KCNMB2: variants seen among roughly 807,000 people sequenced by gnomAD.
The protein encoded by KCNMB2 is calcium-activated potassium channel subunit beta-2.
Under a neutral mutation model 24.5 loss-of-function variants are expected in KCNMB2, and 9 were observed. The ratio of observed to expected loss-of-function variants is 0.37; its 90% CI spans 0.22 to 0.64. The LOEUF is 0.64. Among genes scored for constraint, KCNMB2 ranks in the 30% least tolerant of loss-of-function variants. The probability of loss-of-function intolerance (pLI) is 0.63; values close to 1 mark genes in which losing one functional copy is unlikely to be tolerated. For missense variants in KCNMB2, 226 were observed against 284.3 expected (o/e 0.79, Z 1.47); for synonymous variants, 109 against 104.4 (o/e 1.04, Z -0.27).
At chr3:178,631,946 A>C (rs1425915877) in intron 1 of KCNMB2, among the ~76,000 whole-genome samples, 1 of 152,226 alleles carries the variant, frequency 6.6e-6, no homozygotes, top group African/African-American at 2.4e-5. Context: ...CTTACTAGAA[A>C]ATATTTTCAG....
At chr3:178,640,725 T>A (rs1719693967) in intron 1 of KCNMB2, among the ~76,000 whole-genome samples, 1 of 152,238 alleles carries the variant, frequency 6.6e-6, no homozygotes, top group South Asian at 2.1e-4. Flanking sequence ...TTGGTTTTTC[T>A]CTCATAGATT....
In KCNMB2 at chr3:178,654,942, A is replaced by G. The variant is rs545170505; in HGVS notation, c.-68+118231A>G. On this transcript the variant is annotated intron_variant, in intron 1 of 4. Transcript: ENST00000452583. ...TTTTCTCATTTGTAACATGGAGATT[A>G]TAGTGGTTTCTACCTCAGAGAGCAG... Among the ~76,000 whole-genome samples the G allele has an allele frequency of 4.6e-5, 7 of 152,288 alleles. No homozygotes were observed. In the East Asian group the frequency reaches 9.6e-4, roughly 21 times the overall value.
At chr3:178,635,408 T>TACACACACACACACACAC (rs58294929) in intron 1 of KCNMB2, among the ~76,000 whole-genome samples, 33 of 144,962 alleles carry the variant, frequency 2.3e-4, no homozygotes, top group African/African-American at 7.9e-4. Context: ...TGCTTATGCA[T>TACACACACACACACACAC]ACACACACAC....
At chr3:178,639,031 T>C (rs1462055371) in intron 1 of KCNMB2, among the ~76,000 whole-genome samples, 2 of 152,188 alleles carry the variant, frequency 1.3e-5, no homozygotes, top group Non-Finnish European at 2.9e-5. Flanking sequence ...TCTACTCTTG[T>C]TTGTTTTATC....
rs371079129 is a variant in KCNMB2, at chr3:178,607,777, TA to T, written c.-68+71068del. 2.6e-4 allele frequency among the ~76,000 whole-genome samples: 39 copies of T among 152,304 alleles called. No homozygotes were observed. The East Asian group carries it at 5.8e-3, about 23-fold the overall frequency. ...TGGGTCAGCTACTGAGTATCTAACA[TA>T]AGTAATTTCCTTCTATGCTCTGTTA... On this transcript the variant is annotated intron_variant, in intron 1 of 4. Coordinates refer to ENST00000452583, the MANE Select transcript of KCNMB2 (RefSeq NM_181361.3).
In KCNMB2 at chr3:178,629,392, G is replaced by T. The variant is rs530779397; in HGVS notation, c.-68+92681G>T. 7.2e-5 allele frequency among the ~76,000 whole-genome samples: 11 copies of T among 152,300 alleles called. No individual in the cohort carries two copies. The East Asian group carries it at 1.4e-3, about 19-fold the overall frequency. ...GTGATTCCTCCTGAAAGGCAGAGTG[G>T]TGAAGTGAAGGGCAAATTTCTTATT... On this transcript the variant is annotated intron_variant, in intron 1 of 4. Coordinates refer to ENST00000452583, the MANE Select transcript of KCNMB2 (RefSeq NM_181361.3).
At chr3:178,823,762 C>T (rs956091939) in intron 2 of KCNMB2, among the ~76,000 whole-genome samples, 3 of 152,146 alleles carry the variant, frequency 2.0e-5, no homozygotes, top group Non-Finnish European at 2.9e-5. Context: ...CACACAACTG[C>T]GCAAACAACA....
chr3:178,538,539 G>A (rs566060170), intron 1 of KCNMB2, among the ~76,000 whole-genome samples: 8 of 152,270 alleles, frequency 5.3e-5, no homozygotes, highest in East Asian at 1.9e-4. Flanking sequence ...TGGTCTTACC[G>A]ATATCTTCTG....
chr3:178,840,454 G>A (rs1010013060), intron 4 of KCNMB2, among the ~76,000 whole-genome samples: 6 of 152,322 alleles, frequency 3.9e-5, no homozygotes, highest in Middle Eastern at 3.4e-3. Flanking sequence ...GATTCTGTGT[G>A]GGAACTCCAA....
chr3:178,714,273 C>T lies in KCNMB2; in HGVS notation c.-67-93070C>T, dbSNP rs114945815. 9.5e-3 allele frequency among the ~76,000 whole-genome samples: 1,447 copies of T among 152,296 alleles called. 26 individuals carry two copies. Among genetic ancestry groups the T allele is most frequent in the African/African-American group, 0.033 (1,378 of 41,560 alleles). On this transcript the variant is annotated intron_variant, in intron 1 of 4. Transcript: ENST00000452583. ...TATTCCTTCAGACCTGCTATGCATT[C>T]GGTCCTATGCTAGACATAAGCTACA...
intron 1 of KCNMB2, among the ~76,000 whole-genome samples, chr3:178,783,736 A>C (rs1464729640): frequency 6.6e-6 from 1 of 152,142 alleles, no homozygotes; most frequent in South Asian, 2.1e-4. Context: ...TGTCGTCTGC[A>C]AACAGGGATA....
chr3:178,680,979 G>A (rs1466800606), intron 1 of KCNMB2, among the ~76,000 whole-genome samples: 1 of 152,184 alleles, frequency 6.6e-6, no homozygotes, highest in Non-Finnish European at 1.5e-5. Flanking sequence ...GAAGCTCCAG[G>A]AGGCAGATTG....
intron 1 of KCNMB2, among the ~76,000 whole-genome samples, chr3:178,695,620 A>C (rs1287685757): frequency 2.6e-5 from 4 of 152,212 alleles, no homozygotes; most frequent in African/African-American, 9.6e-5. Flanking sequence ...TCTCTTTGCT[A>C]AAGCATACCA....
chr3:178,692,386 T>G (rs1158703870), intron 1 of KCNMB2, among the ~76,000 whole-genome samples: 3 of 152,252 alleles, frequency 2.0e-5, no homozygotes, highest in Non-Finnish European at 4.4e-5. Context: ...GGTTTTATAT[T>G]TAAGTCATTA....
intron 1 of KCNMB2, among the ~76,000 whole-genome samples, chr3:178,725,617 T>A (rs1406442854): frequency 6.6e-6 from 1 of 152,076 alleles, no homozygotes; most frequent in African/African-American, 2.4e-5. Context: ...CATCTTTTAT[T>A]ATTTCAGCTT....
At chr3:178,627,289 A>C (rs912617358) in intron 1 of KCNMB2, among the ~76,000 whole-genome samples, 1 of 152,216 alleles carries the variant, frequency 6.6e-6, no homozygotes, top group East Asian at 1.9e-4. Flanking sequence ...GAAAATACTA[A>C]GACTAATTTA....
At chr3:178,683,243 T>G (rs188204950) in intron 1 of KCNMB2, among the ~76,000 whole-genome samples, 23 of 152,102 alleles carry the variant, frequency 1.5e-4, no homozygotes, top group Admixed American at 3.9e-4. Context: ...ATACCGCATG[T>G]TCTCAGTTGT....
At position 178,812,786 on chromosome 3, in the gene KCNMB2, G is replaced by C. The variant is rs148257370; in HGVS notation, c.56+5321G>C. On this transcript the variant is annotated intron_variant, in intron 2 of 4. Transcript: ENST00000452583. ...GGATATGTTTTTGAATCTCTATTCTGTTCTAGCGGCCAGTTTTGTCCACCT... is the reference window on the plus strand; with the variant it reads ...GGATATGTTTTTGAATCTCTATTCTCTTCTAGCGGCCAGTTTTGTCCACCT... Among the ~76,000 whole-genome samples, 437 of 152,030 alleles carry C rather than the reference G, an allele frequency of 2.9e-3. 2 individuals are homozygous for C. The highest frequency in any genetic ancestry group is 5.0e-3 in the Non-Finnish European group (342 of 67,960).
intron 1 of KCNMB2, among the ~76,000 whole-genome samples, chr3:178,759,699 C>CAT (rs1364086101): frequency 1.2e-5 from 1 of 83,266 alleles, no homozygotes; most frequent in Non-Finnish European, 2.7e-5. Flanking sequence ...TATATATACA[C>CAT]ATATATATAT....
Sources: allele counts gnomAD v4.1 joint callset (sites outside exome capture counted in the v4.1 genomes callset), GRCh38; gene constraint gnomAD v4.1.1; transcripts MANE v1.5; gene names NCBI Gene and HGNC (gene_info 2026-07-23, HGNC 2026-07-21).